The following PUM3 variants were observed in gnomAD, a reference collection of about 807,000 sequenced individuals.
The protein encoded by PUM3 is pumilio homolog 3.
A neutral mutation model predicts 84.0 loss-of-function variants in PUM3; 91 were observed. That is an observed-to-expected ratio of 1.08 (90% confidence interval 0.91 to 1.29). The LOEUF is 1.29. Ranked by LOEUF, PUM3 falls within the 50% of genes most tolerant of loss-of-function variation. The pLI, the probability that PUM3 is intolerant of heterozygous loss-of-function variation, is 0.00. For synonymous variants in PUM3, 321 were observed against 266.7 expected (o/e 1.20, Z -1.98); for missense variants, 1,067 against 767.5 (o/e 1.39, Z -4.61).
chr9:2,810,002 C>A (rs1006030305), intron 16 of PUM3, among the ~76,000 whole-genome samples: 1 of 151,780 alleles, frequency 6.6e-6, no homozygotes, highest in Non-Finnish European at 1.5e-5. Context: ...CCCCCTACCC[C>A]CTCTCACCAT....
At chr9:2,837,159 C>A in intron 3 of PUM3, 21 bp downstream of exon 3, 2 of 1,602,312 alleles carry the variant, frequency 1.2e-6, no homozygotes, top group Non-Finnish European at 1.7e-6. Context: ...CTAGTTCAGG[C>A]ATGAACGAAC....
In PUM3 at chr9:2,807,915, T is replaced by C. The variant is rs1397592508; in HGVS notation, c.1724-11A>G. ...TTTTTGCAAAACAACCTGTAAAATATACTGAAGCTTAGTGAACATCACATA... is the reference window on the plus strand; with the variant it reads ...TTTTTGCAAAACAACCTGTAAAATACACTGAAGCTTAGTGAACATCACATA... On this transcript the variant is annotated splice_polypyrimidine_tract_variant and intron_variant, in intron 16 of 17. Coordinates refer to ENST00000397885, the MANE Select transcript of PUM3 (RefSeq NM_014878.5). 3.9e-6 allele frequency: 6 copies of C among 1,556,918 alleles called. No homozygotes were observed. Among genetic ancestry groups the C allele is most frequent in the Middle Eastern group, 1.7e-4 (1 of 6,014 alleles).
chr9:2,817,084 C>T (rs933256209), intron 13 of PUM3, among the ~76,000 whole-genome samples: 1 of 152,134 alleles, frequency 6.6e-6, no homozygotes, highest in African/African-American at 2.4e-5. Context: ...TGCTAAGTGC[C>T]TTAGAGAAAC....
At chr9:2,822,243 T>G (rs1302668763) in intron 12 of PUM3, among the ~76,000 whole-genome samples, 1 of 152,204 alleles carries the variant, frequency 6.6e-6, no homozygotes, top group African/African-American at 2.4e-5. Context: ...GTATGAACAC[T>G]GTCAACTACT....
At chr9:2,839,716 A>C (rs2129892820) in intron 1 of PUM3, among the ~76,000 whole-genome samples, 1 of 152,330 alleles carries the variant, frequency 6.6e-6, no homozygotes, top group South Asian at 2.1e-4. Context: ...TTTAGAACTG[A>C]AGGGTCACAT....
intron 2 of PUM3, among the ~76,000 whole-genome samples, chr9:2,838,163 G>A (rs1314046250): frequency 2.0e-5 from 3 of 152,160 alleles, no homozygotes; most frequent in Admixed American, 2.0e-4. Flanking sequence ...AATGTATGGT[G>A]AACTAGTGTG....
intron 6 of PUM3, 31 bp downstream of exon 6, chr9:2,831,220 G>A (rs758433488): frequency 3.6e-6 from 5 of 1,400,720 alleles, no homozygotes. Context: ...TATTGCAAAT[G>A]ATAACATAAT....
chr9:2,836,649 A>G (rs770499549), intron 3 of PUM3, among the ~76,000 whole-genome samples: 3 of 152,162 alleles, frequency 2.0e-5, no homozygotes, highest in African/African-American at 4.8e-5. Context: ...TTATTGTATT[A>G]GACTGGCCTA....
chr9:2,829,982 T>C (rs368910331), intron 7 of PUM3, 34 bp from the exon 8 acceptor site: 58 of 1,577,260 alleles, frequency 3.7e-5, no homozygotes, highest in African/African-American at 1.1e-4. Context: ...AAATAAATGA[T>C]AGAAGGAGAA....
chr9:2,828,745 C>CT lies in PUM3; in HGVS notation c.885dup (p.Glu296ArgfsTer13). ...AGTTCTAATTTTTCTGGCTGTACCT[C>CT]TAACACTTTGTCCAGAGTTCGGTGA... On this transcript the variant is annotated frameshift_variant, in exon 9 of 18. Transcript: ENST00000397885. LOFTEE classifies it high-confidence loss of function. The CT allele has an allele frequency of 6.2e-7, 1 of 1,607,858 alleles. No individual in the cohort carries two copies. The highest frequency in any genetic ancestry group is 8.5e-7 in the Non-Finnish European group (1 of 1,174,506).
At position 2,837,067 on chromosome 9, in the gene PUM3, T is replaced by A. The variant is rs1816141983; in HGVS notation, c.304+113A>T. On this transcript the variant is annotated intron_variant, in intron 3 of 17. Coordinates refer to ENST00000397885, the MANE Select transcript of PUM3 (RefSeq NM_014878.5). ...GTTGTTTATTTAAGCCACCTACCTG[T>A]CCCAAAATGTTACCTGCCAAGGAAT... 1.2e-5 allele frequency: 10 copies of A among 862,548 alleles called. No homozygotes were observed. In the Admixed American group the frequency reaches 2.2e-4, roughly 19 times the overall value. 53.4% of individuals were successfully genotyped at this position (862,548 alleles called of 1,614,324 possible). A position where few individuals can be genotyped will look rare whatever the true frequency, so the allele number is the denominator to read the frequency against.
chr9:2,829,822 C>T lies in PUM3; in HGVS notation c.804G>A (p.Arg268=), dbSNP rs1244387971. 1.2e-6 allele frequency: 2 copies of T among 1,614,142 alleles called. No homozygotes were observed. Among genetic ancestry groups the T allele is most frequent in the South Asian group, 1.1e-5 (1 of 91,072 alleles). The part of the protein sequence containing the change: ...AYNDKAILEQ[R]NMLTEELYGN... ...CATAGAGCTCTTCCGTCAGCATGTTCCTCTGCTCCAAAATGGCTTTGTCAT... is the reference window on the plus strand; with the variant it reads ...CATAGAGCTCTTCCGTCAGCATGTTTCTCTGCTCCAAAATGGCTTTGTCAT... Residue 268 remains arginine (R), a synonymous_variant, in exon 8 of 18, where the codon AGG becomes AGA. Transcript: ENST00000397885.
chr9:2,807,820 A>G lies in PUM3; in HGVS notation c.1808T>C (p.Leu603Pro). ...GGGCACATGTTATACATACCTAGAA[A>G]GAATAATGGCACCTCGATTTACACT... Reference protein sequence around the residue: ...WASVNRGAIILSSLLQSCDLE... With the variant: ...WASVNRGAIIPSSLLQSCDLE... Residue 603 changes from leucine (L) to proline (P), a missense_variant, in exon 17 of 18, where the codon CTT (leucine) becomes CCT (proline). Coordinates refer to ENST00000397885, the MANE Select transcript of PUM3 (RefSeq NM_014878.5). The G allele has an allele frequency of 1.2e-6, 2 of 1,607,794 alleles. No homozygotes were observed. Among genetic ancestry groups the G allele is most frequent in the Non-Finnish European group, 1.7e-6 (2 of 1,175,080 alleles).
At chr9:2,821,443 C>CAAA (rs572752267) in intron 12 of PUM3, among the ~76,000 whole-genome samples, 646 of 50,094 alleles carry the variant, frequency 0.013, 37 homozygotes, top group African/African-American at 0.05. Flanking sequence ...GACTCTGTCT[C>CAAA]AAAAAAAAAA....
chr9:2,812,497 T>C (rs2129798759), intron 13 of PUM3, 135 bp from the exon 14 acceptor site: 3 of 629,358 alleles, frequency 4.8e-6, no homozygotes, highest in East Asian at 2.8e-5. Flanking sequence ...TTATAGTATA[T>C]GTGCTGCCAA....
intron 16 of PUM3, among the ~76,000 whole-genome samples, chr9:2,808,142 C>T (rs979395332): frequency 6.6e-6 from 1 of 152,182 alleles, no homozygotes. Flanking sequence ...GCAGTAATTA[C>T]TCAAGATAAA....
chr9:2,807,209 A>G (rs1327871066), intron 17 of PUM3, among the ~76,000 whole-genome samples: 2 of 150,004 alleles, frequency 1.3e-5, no homozygotes, highest in Non-Finnish European at 3.0e-5. Flanking sequence ...CTCCATCTCA[A>G]AAAAAAAAAA....
Position 2,820,023 on chromosome 9 carries a change from TG to T in PUM3, c.1263del (p.Ile422TyrfsTer11), listed in dbSNP as rs756629238. 22 of 1,603,268 alleles carry T rather than the reference TG, an allele frequency of 1.4e-5. No homozygotes were observed. Among genetic ancestry groups the T allele is most frequent in the Non-Finnish European group, 1.4e-5 (16 of 1,170,880 alleles). ...AGACCATCAGGATTACTTACTGATA[TG>T]ATTATCTGCTTCACAAGCTTAGTAT... Reference protein sequence around the residue: ...IDDTKLVKQIIISEIISSLPS... With the variant: ...IDDTKLVKQIXISEIISSLPS... On this transcript the variant is annotated frameshift_variant, in exon 13 of 18. Coordinates refer to ENST00000397885, the MANE Select transcript of PUM3 (RefSeq NM_014878.5). LOFTEE classifies it high-confidence loss of function.
intron 12 of PUM3, among the ~76,000 whole-genome samples, chr9:2,820,433 G>C (rs1164181878): frequency 1.3e-5 from 2 of 151,718 alleles, no homozygotes; most frequent in African/African-American, 2.4e-5. Context: ...ATACTTAAAA[G>C]TTCAAGTTAT....
Sources: allele counts gnomAD v4.1 joint callset (sites outside exome capture counted in the v4.1 genomes callset), GRCh38; gene constraint gnomAD v4.1.1; transcripts MANE v1.5; gene names NCBI Gene and HGNC (gene_info 2026-07-23, HGNC 2026-07-21).